The following PARD3B variants were observed in gnomAD, a reference collection of about 807,000 sequenced individuals.
PARD3B encodes the protein par-3 family cell polarity regulator beta.
PARD3B carries 103 observed loss-of-function variants against 130.2 expected under a neutral mutation model. That is an observed-to-expected ratio of 0.79 (90% CI 0.67 to 0.93). The LOEUF (loss-of-function observed/expected upper bound fraction) is 0.93, where lower values mean the gene tolerates loss of function less well. PARD3B is among the 40% of genes least tolerant of loss of function. The pLI is 0.00. For synonymous variants in PARD3B, 583 were observed against 553.2 expected (o/e 1.05, Z -0.76); for missense variants, 1,609 against 1,499.2 (o/e 1.07, Z -1.21).
intron 4 of PARD3B, among the ~76,000 whole-genome samples, chr2:205,065,573 A>C (rs1359432534): frequency 2.0e-5 from 3 of 152,080 alleles, no homozygotes; most frequent in Non-Finnish European, 4.4e-5. Flanking sequence ...AGTGGGGCCT[A>C]GTGGGAGGTG....
At chr2:204,624,792 T>TA (rs1553553937) in intron 1 of PARD3B, among the ~76,000 whole-genome samples, 1 of 152,134 alleles carries the variant, frequency 6.6e-6, no homozygotes, top group African/African-American at 2.4e-5. Flanking sequence ...TATCTTTAGT[T>TA]ATTTGGTAAA....
chr2:205,189,495 A>C (rs996471268), intron 14 of PARD3B, among the ~76,000 whole-genome samples: 2 of 152,146 alleles, frequency 1.3e-5, no homozygotes, highest in Non-Finnish European at 2.9e-5. Flanking sequence ...CCTTTATCTA[A>C]GACATGTCTT....
At chr2:205,570,405 C>G (rs1217840941) in intron 22 of PARD3B, among the ~76,000 whole-genome samples, 1 of 152,192 alleles carries the variant, frequency 6.6e-6, no homozygotes, top group Admixed American at 6.5e-5. Flanking sequence ...AATGCCTTCA[C>G]AGAGATTATT....
intron 10 of PARD3B, among the ~76,000 whole-genome samples, chr2:205,147,265 GA>G (rs1352374576): frequency 6.6e-6 from 1 of 152,014 alleles, no homozygotes; most frequent in African/African-American, 2.4e-5. Context: ...TATCTGGAAA[GA>G]AAAAACTTCC....
At chr2:205,193,889 A>T (rs989739709) in intron 15 of PARD3B, among the ~76,000 whole-genome samples, 1 of 152,130 alleles carries the variant, frequency 6.6e-6, no homozygotes, top group Non-Finnish European at 1.5e-5. Context: ...GTGTCAAGGT[A>T]CCCTGTGTCC....
intron 2 of PARD3B, among the ~76,000 whole-genome samples, chr2:204,829,549 G>T (rs1451999129): frequency 1.3e-5 from 2 of 152,138 alleles, no homozygotes; most frequent in Non-Finnish European, 2.9e-5. Flanking sequence ...GGATGATACG[G>T]TTTGGCTTGG....
At chr2:204,786,392 T>C (rs1451692832) in intron 2 of PARD3B, among the ~76,000 whole-genome samples, 1 of 152,074 alleles carries the variant, frequency 6.6e-6, no homozygotes. Context: ...AAGGATGGCT[T>C]TCTTGTGCAA....
At chr2:205,610,080 G>A (rs1277424008) in intron 22 of PARD3B, among the ~76,000 whole-genome samples, 2 of 152,186 alleles carry the variant, frequency 1.3e-5, no homozygotes, top group Non-Finnish European at 2.9e-5. Context: ...TTTCCTGGAT[G>A]GAAGGAAAGG....
rs1031152573 is a variant in PARD3B at position 204,549,008 on chromosome 2, G to A, written c.120+2889G>A. ...TTCTAAAGTTTGGAAAGTAAGTGAA[G>A]TCCAAGAATGCCATTCTATATTTCG... is the stretch of plus-strand genomic sequence containing the variant. On this transcript the variant is annotated intron_variant, in intron 1 of 22. Coordinates refer to ENST00000406610, the MANE Select transcript of PARD3B (RefSeq NM_001302769.2). 7.9e-5 allele frequency among the ~76,000 whole-genome samples: 12 copies of A among 152,292 alleles called. No individual in the cohort carries two copies. In the East Asian group the frequency reaches 2.3e-3, roughly 29 times the overall value.
intron 1 of PARD3B, among the ~76,000 whole-genome samples, chr2:204,633,890 G>A (rs1306049416): frequency 6.6e-6 from 1 of 152,176 alleles, no homozygotes; most frequent in Non-Finnish European, 1.5e-5. Flanking sequence ...TGGGGTACAT[G>A]AGATGTTTTG....
chr2:205,277,017 G>A (rs544991539), intron 16 of PARD3B, among the ~76,000 whole-genome samples: 1 of 152,308 alleles, frequency 6.6e-6, no homozygotes, highest in South Asian at 2.1e-4. Flanking sequence ...TGAGTGATCT[G>A]CATATTTGTA....
At chr2:204,941,840 GT>G (rs1688930254) in intron 2 of PARD3B, among the ~76,000 whole-genome samples, 2 of 151,882 alleles carry the variant, frequency 1.3e-5, no homozygotes, top group Admixed American at 1.3e-4. Flanking sequence ...CTGAGTGTGT[GT>G]GTATATATAT....
intron 20 of PARD3B, among the ~76,000 whole-genome samples, chr2:205,493,732 T>G (rs986744979): frequency 4.9e-4 from 68 of 137,464 alleles, no homozygotes; most frequent in African/African-American, 1.7e-3. Context: ...ATGTATTTAT[T>G]TATTTATTTA....
At chr2:204,751,827 A>G (rs1454323217) in intron 2 of PARD3B, among the ~76,000 whole-genome samples, 2 of 152,204 alleles carry the variant, frequency 1.3e-5, no homozygotes, top group Non-Finnish European at 2.9e-5. Context: ...CAAGCAAAGT[A>G]TCTTAATCAC....
chr2:205,513,070 A>G (rs892032511), intron 21 of PARD3B, among the ~76,000 whole-genome samples: 1 of 150,936 alleles, frequency 6.6e-6, no homozygotes, highest in African/African-American at 2.4e-5. Flanking sequence ...TTCAATTGCC[A>G]GGCGTGCTTC....
At position 205,160,556 on chromosome 2, in the gene PARD3B, GC is replaced by G. The variant is rs1346695496; in HGVS notation, c.1620+1650del. Among the ~76,000 whole-genome samples the G allele has an allele frequency of 2.0e-5, 3 of 152,314 alleles. No homozygotes were observed. Among genetic ancestry groups the G allele is most frequent in the Middle Eastern group, 3.4e-3 (1 of 294 alleles). ...ACACTCCAGCCACGATGAAGTTATGGCAAAGATGTAGATACAGAGAAGGGTA... is the reference window on the plus strand; with the variant it reads ...ACACTCCAGCCACGATGAAGTTATGGAAAGATGTAGATACAGAGAAGGGTA... On this transcript the variant is annotated intron_variant, in intron 11 of 22. Coordinates refer to ENST00000406610, the MANE Select transcript of PARD3B (RefSeq NM_001302769.2). The surrounding 1 kb of genome is among the most constrained non-coding windows in gnomAD (Gnocchi z 4.0).
chr2:204,762,116 A>ATTTTTTTTTTTTTTTTTTTTT (rs968166780), intron 2 of PARD3B, among the ~76,000 whole-genome samples: 1 of 95,378 alleles, frequency 1.0e-5, no homozygotes, highest in Non-Finnish European at 2.1e-5. Flanking sequence ...TTCTTTTTCT[A>ATTTTTTTTTTTTTTTTTTTTT]TTTTTTTTTT....
At position 205,244,686 on chromosome 2, in the gene PARD3B, CA is replaced by C. The variant is rs1387143071; in HGVS notation, c.2141-1086del. On this transcript the variant is annotated intron_variant, in intron 15 of 22. Coordinates refer to ENST00000406610, the MANE Select transcript of PARD3B (RefSeq NM_001302769.2). This position sits in a 1 kb window ranked among gnomAD's most constrained non-coding sequence, Gnocchi z 4.7. ...TTACTTATAAACACATTTTTTTTTT[CA>C]AAAAACTACTATAGGGCGACCCATG... 5.3e-5 allele frequency among the ~76,000 whole-genome samples: 8 copies of C among 149,846 alleles called. No homozygotes were observed. Among genetic ancestry groups the C allele is most frequent in the Admixed American group, 6.6e-5 (1 of 15,142 alleles).
In PARD3B at chr2:205,449,236, T is replaced by G. The variant is rs186503125; in HGVS notation, c.3044+8564T>G. ...ATGAATCTTAGAGACCGCTTTTTTT[T>G]TTGTTGTTTGGAGACAGGGTTTCCC... On this transcript the variant is annotated intron_variant, in intron 20 of 22. Coordinates refer to ENST00000406610, the MANE Select transcript of PARD3B (RefSeq NM_001302769.2). Among the ~76,000 whole-genome samples, 883 of 151,978 alleles carry G rather than the reference T, an allele frequency of 5.8e-3. 9 individuals carry two copies. The highest frequency in any genetic ancestry group is 0.016 in the African/African-American group (649 of 41,404).
Sources: allele counts gnomAD v4.1 joint callset (sites outside exome capture counted in the v4.1 genomes callset), GRCh38; gene constraint gnomAD v4.1.1; non-coding constraint Gnocchi (gnomAD v3.1); transcripts MANE v1.5; gene names NCBI Gene and HGNC (gene_info 2026-07-23, HGNC 2026-07-21).